The following AGAP1 variants were observed in gnomAD, a reference collection of about 807,000 sequenced individuals.
The protein encoded by AGAP1 is ArfGAP with GTPase domain, ankyrin repeat and PH domain 1.
In AGAP1, 29 loss-of-function variants were observed where a neutral mutation model predicts 105.3. The ratio of observed to expected loss-of-function variants is 0.28; its 90% CI spans 0.21 to 0.38. The LOEUF (loss-of-function observed/expected upper bound fraction) is 0.38, where lower values mean the gene tolerates loss of function less well. AGAP1 is among the 10% of genes least tolerant of loss of function. The probability of loss-of-function intolerance (pLI) is 1.00; values close to 1 mark genes in which losing one functional copy is unlikely to be tolerated. For missense variants in AGAP1, 998 were observed against 1,165.1 expected, an observed-to-expected ratio of 0.86 and a Z score of 2.09; for synonymous variants, 509 against 485.9, an observed-to-expected ratio of 1.05 and a Z score of -0.63.
chr2:235,574,494 T>A lies in AGAP1; in HGVS notation c.163+79645T>A, dbSNP rs1202176364. ...CTTTTTGGCAGTGTAGTTTCTCTTTTAATAGCTGTGATCAGATTATACCTT... is the reference window on the plus strand; with the variant it reads ...CTTTTTGGCAGTGTAGTTTCTCTTTAAATAGCTGTGATCAGATTATACCTT... On this transcript the variant is annotated intron_variant, in intron 1 of 17. Transcript: ENST00000304032. The surrounding 1 kb of genome is among the most constrained non-coding windows in gnomAD (Gnocchi z 5.0). Among the ~76,000 whole-genome samples, 2 of 152,234 alleles carry A rather than the reference T, an allele frequency of 1.3e-5. No individual in the cohort carries two copies. Among genetic ancestry groups the A allele is most frequent in the Non-Finnish European group, 2.9e-5 (2 of 68,036 alleles).
chr2:235,572,889 G>A (rs1188618743), intron 1 of AGAP1, among the ~76,000 whole-genome samples: 1 of 152,186 alleles, frequency 6.6e-6, no homozygotes, highest in Non-Finnish European at 1.5e-5. Context: ...GGGCAGGCAA[G>A]CAGACATTCT....
intron 1 of AGAP1, among the ~76,000 whole-genome samples, chr2:235,638,258 T>TAGG (rs1947075158): frequency 6.6e-6 from 1 of 152,042 alleles, no homozygotes; most frequent in Non-Finnish European, 1.5e-5. Context: ...GGCTATAAGG[T>TAGG]AGGAGGTTCG....
rs2058222154 is a variant in AGAP1, at chr2:236,062,341, T to C, written c.2114+13060T>C. ...AGGACGGGCCAGAACCCACCCCAGATCTGACCTCCCTAGAGGAAGCCATGG... is the reference window on the plus strand; with the variant it reads ...AGGACGGGCCAGAACCCACCCCAGACCTGACCTCCCTAGAGGAAGCCATGG... On this transcript the variant is annotated intron_variant, in intron 16 of 17. Coordinates refer to ENST00000304032, the MANE Select transcript of AGAP1 (RefSeq NM_001037131.3). This position sits in a 1 kb window ranked among gnomAD's most constrained non-coding sequence, Gnocchi z 4.2. Among the ~76,000 whole-genome samples the C allele has an allele frequency of 6.6e-6, 1 of 151,986 alleles. No homozygotes were observed. The highest frequency in any genetic ancestry group is 6.6e-5 in the Admixed American group (1 of 15,260).
rs201019044 is a variant in AGAP1, at chr2:235,674,693, C to CTTT, written c.164-34471_164-34469dup. The stretch of plus-strand genomic sequence containing the variant: ...CAGTCAATTACTGTAGGGTGATAGA[C>CTTT]TTTTTTTTTTTTTTTTTGATGGAGT... On this transcript the variant is annotated intron_variant, in intron 1 of 17. Transcript: ENST00000304032. 4.9e-3 allele frequency among the ~76,000 whole-genome samples: 673 copies of CTTT among 136,294 alleles called. 18 individuals are homozygous for CTTT. The highest frequency in any genetic ancestry group is 0.018 in the African/African-American group (642 of 36,320). 89.4% of individuals were successfully genotyped at this position (136,294 alleles called of 152,430 possible). A position where few individuals can be genotyped will look rare whatever the true frequency, so the allele number is the denominator to read the frequency against.
rs1294215262 is a variant in AGAP1, at chr2:235,553,808, A to G, written c.163+58959A>G. Among the ~76,000 whole-genome samples the G allele has an allele frequency of 6.6e-6, 1 of 152,208 alleles. No individual in the cohort carries two copies. Among genetic ancestry groups the G allele is most frequent in the Non-Finnish European group, 1.5e-5 (1 of 68,036 alleles). ...GTAAGTGGCACTCCTCATGCTGAGC[A>G]ACTGACGTCGTATTTCCACCCGACA... is the stretch of plus-strand genomic sequence containing the variant. On this transcript the variant is annotated intron_variant, in intron 1 of 17. Coordinates refer to ENST00000304032, the MANE Select transcript of AGAP1 (RefSeq NM_001037131.3). This position sits in a 1 kb window ranked among gnomAD's most constrained non-coding sequence, Gnocchi z 4.5.
chr2:235,985,404 G>C (rs1027216924), intron 13 of AGAP1, among the ~76,000 whole-genome samples: 1 of 152,164 alleles, frequency 6.6e-6, no homozygotes, highest in Non-Finnish European at 1.5e-5. Flanking sequence ...TAGGTTGCCT[G>C]TTCACTCTGA....
At position 235,788,188 on chromosome 2, in the gene AGAP1, G is replaced by T. The variant is rs1956764200; in HGVS notation, c.674-9571G>T. Among the ~76,000 whole-genome samples the T allele has an allele frequency of 6.6e-6, 1 of 152,194 alleles. No homozygotes were observed. Among genetic ancestry groups the T allele is most frequent in the African/African-American group, 2.4e-5 (1 of 41,438 alleles). ...TAGCTCAAGTGCACAGAGAAGCAGA[G>T]TGCCATACTGGGACCCTACGGTACA... On this transcript the variant is annotated intron_variant, in intron 6 of 17. Coordinates refer to ENST00000304032, the MANE Select transcript of AGAP1 (RefSeq NM_001037131.3). The surrounding 1 kb of genome is among the most constrained non-coding windows in gnomAD (Gnocchi z 6.0).
At chr2:235,933,501 A>G (rs928172748) in intron 12 of AGAP1, among the ~76,000 whole-genome samples, 3 of 150,922 alleles carry the variant, frequency 2.0e-5, no homozygotes, top group Non-Finnish European at 3.0e-5. Flanking sequence ...CTACAGCTTT[A>G]TGGGGGTCTT....
intron 13 of AGAP1, among the ~76,000 whole-genome samples, chr2:235,969,349 A>G (rs777927089): frequency 1.3e-4 from 20 of 152,180 alleles, no homozygotes; most frequent in Non-Finnish European, 2.6e-4. Flanking sequence ...TATGAGAGGT[A>G]AAATTAATGC....
chr2:235,753,864 G>C lies in AGAP1; in HGVS notation c.673+3376G>C, dbSNP rs1164249288. 6.6e-6 allele frequency among the ~76,000 whole-genome samples: 1 copy of C among 152,032 alleles called. No homozygotes were observed. The highest frequency in any genetic ancestry group is 1.5e-5 in the Non-Finnish European group (1 of 68,024). On this transcript the variant is annotated intron_variant, in intron 6 of 17. Coordinates refer to ENST00000304032, the MANE Select transcript of AGAP1 (RefSeq NM_001037131.3). This position sits in a 1 kb window ranked among gnomAD's most constrained non-coding sequence, Gnocchi z 4.5. ...GTTACTTTGTATATTTTATATCATA[G>C]TTATATGGTATATGGTTTCTTATTT...
chr2:235,697,991 C>T (rs1359997707), intron 1 of AGAP1, among the ~76,000 whole-genome samples: 1 of 152,142 alleles, frequency 6.6e-6, no homozygotes, highest in African/African-American at 2.4e-5. Flanking sequence ...CAGCAGTCTC[C>T]AAGCTTTTTT....
chr2:235,903,288 A>G (rs1480174754), intron 10 of AGAP1, among the ~76,000 whole-genome samples: 11 of 152,154 alleles, frequency 7.2e-5, no homozygotes, highest in Non-Finnish European at 1.6e-4. Context: ...ACTTTTTTGA[A>G]GTATACGTAA....
At chr2:235,603,844 T>C (rs1453342697) in intron 1 of AGAP1, among the ~76,000 whole-genome samples, 2 of 152,154 alleles carry the variant, frequency 1.3e-5, no homozygotes, top group Non-Finnish European at 2.9e-5. Flanking sequence ...GAATTCTTGG[T>C]CGCTAGTTAG....
At chr2:235,778,445 G>A (rs560712943) in intron 6 of AGAP1, among the ~76,000 whole-genome samples, 29 of 152,242 alleles carry the variant, frequency 1.9e-4, no homozygotes, top group Non-Finnish European at 3.5e-4. Flanking sequence ...AAGGTTCTTC[G>A]AGGTTCTTAA....
intron 1 of AGAP1, among the ~76,000 whole-genome samples, chr2:235,678,076 TA>T (rs1407467727): frequency 6.6e-6 from 1 of 152,118 alleles, no homozygotes. Context: ...CGCAGTCGCT[TA>T]TGGTGCCGGT....
In AGAP1 at chr2:236,080,854, C is replaced by T. The variant is rs2058761828; in HGVS notation, c.2114+31573C>T. 6.6e-6 allele frequency among the ~76,000 whole-genome samples: 1 copy of T among 152,164 alleles called. No homozygotes were observed. Among genetic ancestry groups the T allele is most frequent in the Admixed American group, 6.6e-5 (1 of 15,264 alleles). ...GTCCTCACATCTTCTGACTCTGATT[C>T]TCCTATTTATATGACCCTCTTATAA... is the stretch of plus-strand genomic sequence containing the variant. On this transcript the variant is annotated intron_variant, in intron 16 of 17. Transcript: ENST00000304032. This position sits in a 1 kb window ranked among gnomAD's most constrained non-coding sequence, Gnocchi z 4.2.
In AGAP1 at chr2:235,882,723, C is replaced by T. The variant is rs974547552; in HGVS notation, c.1051-622C>T. ...CTCCTGACCTCAGGTGATCTGCCCA[C>T]CTCGGCCTCCCAAAGTTCTGGGATT... On this transcript the variant is annotated intron_variant, in intron 9 of 17. Coordinates refer to ENST00000304032, the MANE Select transcript of AGAP1 (RefSeq NM_001037131.3). The surrounding 1 kb of genome is among the most constrained non-coding windows in gnomAD (Gnocchi z 4.6). Among the ~76,000 whole-genome samples the T allele has an allele frequency of 6.6e-6, 1 of 152,234 alleles. No individual in the cohort carries two copies. Among genetic ancestry groups the T allele is most frequent in the African/African-American group, 2.4e-5 (1 of 41,462 alleles).
intron 1 of AGAP1, among the ~76,000 whole-genome samples, chr2:235,537,858 G>A (rs1345085596): frequency 6.6e-6 from 1 of 151,984 alleles, no homozygotes; most frequent in African/African-American, 2.4e-5. Flanking sequence ...TTTTCTGCAC[G>A]GCATTAAGTC....
Position 235,965,692 on chromosome 2 carries a change from A to G in AGAP1, c.1484-2770A>G, listed in dbSNP as rs1423944955. Among the ~76,000 whole-genome samples, 1 of 152,212 alleles carries G rather than the reference A, an allele frequency of 6.6e-6. No homozygotes were observed. Among genetic ancestry groups the G allele is most frequent in the Non-Finnish European group, 1.5e-5 (1 of 68,036 alleles). ...CGCATTGCTGAAGGTAGAGCCTGGA[A>G]TAGCCCCTGTTGGGTAGTAACTTTG... On this transcript the variant is annotated intron_variant, in intron 12 of 17. Coordinates refer to ENST00000304032, the MANE Select transcript of AGAP1 (RefSeq NM_001037131.3). The surrounding 1 kb of genome is among the most constrained non-coding windows in gnomAD (Gnocchi z 5.8).
Sources: gnomAD v4.1 joint callset for allele counts (sites outside exome capture counted in the v4.1 genomes callset) on GRCh38, gnomAD v4.1.1 for gene constraint, Gnocchi (gnomAD v3.1) non-coding constraint, MANE v1.5 for transcripts, NCBI Gene and HGNC (gene_info 2026-07-23, HGNC 2026-07-21) for gene names.